ST7: variants seen among roughly 807,000 people sequenced by gnomAD.
The protein encoded by ST7 is suppression of tumorigenicity 7.
A neutral mutation model predicts 78.7 loss-of-function variants in ST7; 28 were observed. The ratio of observed to expected loss-of-function variants is 0.36; its 90% confidence interval spans 0.26 to 0.49. ST7 has a LOEUF of 0.49. ST7 is among the 20% of genes least tolerant of loss of function. The pLI, the probability that ST7 is intolerant of heterozygous loss-of-function variation, is 0.99. For missense variants in ST7, 418 were observed against 696.0 expected (o/e 0.60, Z 4.49); for synonymous variants, 247 against 249.6 (o/e 0.99, Z 0.10).
intron 9 of ST7, among the ~76,000 whole-genome samples, chr7:117,151,912 G>A (rs1806274880): frequency 6.6e-6 from 1 of 151,886 alleles, no homozygotes; most frequent in Non-Finnish European, 1.5e-5. Context: ...TTGAGGTCAG[G>A]CATTTGAGAC....
At chr7:116,953,730 C>T (rs769171042) in intron 1 of ST7, 39 bp downstream of exon 1, 1 of 1,364,082 alleles carries the variant, frequency 7.3e-7, no homozygotes, top group Non-Finnish European at 9.7e-7. Context: ...CCCACCCCTC[C>T]CCCGCCCCGG....
chr7:117,209,209 C>G (rs534426405), intron 12 of ST7, among the ~76,000 whole-genome samples: 42 of 152,214 alleles, frequency 2.8e-4, no homozygotes, highest in African/African-American at 9.9e-4. Context: ...GGGAAAGGAT[C>G]GAAGAGTGTC....
At chr7:117,014,441 C>G (rs2115951360) in intron 1 of ST7, among the ~76,000 whole-genome samples, 1 of 152,248 alleles carries the variant, frequency 6.6e-6, no homozygotes, top group East Asian at 1.9e-4. Context: ...CTTAGATATG[C>G]TATAAAGGAC....
intron 1 of ST7, among the ~76,000 whole-genome samples, chr7:117,028,975 G>C (rs767528785): frequency 6.6e-6 from 1 of 152,104 alleles, no homozygotes; most frequent in South Asian, 2.1e-4. Context: ...CACTAAAAAC[G>C]TAACTACTAA....
At chr7:116,959,299 T>C (rs573916006) in intron 1 of ST7, 44 of 470,112 alleles carry the variant, frequency 9.4e-5, no homozygotes, top group African/African-American at 8.4e-4. Flanking sequence ...CTAATTCTAG[T>C]TATTTTGCTG....
intron 2 of ST7, among the ~76,000 whole-genome samples, chr7:117,100,440 C>T (rs1308983343): frequency 6.6e-6 from 1 of 152,130 alleles, no homozygotes; most frequent in Non-Finnish European, 1.5e-5. Context: ...CGCCATTGCA[C>T]TCCAGCCTGG....
At chr7:116,985,453 A>G (rs1305052915) in intron 1 of ST7, among the ~76,000 whole-genome samples, 3 of 152,234 alleles carry the variant, frequency 2.0e-5, no homozygotes, top group Non-Finnish European at 4.4e-5. Flanking sequence ...CAAATGTACT[A>G]GTAGTGGATA....
intron 15 of ST7, among the ~76,000 whole-genome samples, chr7:117,226,677 A>G (rs1264155039): frequency 6.6e-6 from 1 of 152,184 alleles, no homozygotes; most frequent in Non-Finnish European, 1.5e-5. Flanking sequence ...CAGACACCTC[A>G]CTACATTGCC....
Position 117,189,367 on chromosome 7 carries a change from G to A in ST7, c.1125G>A (p.Leu375=). ...KSATICYTAA[L]LKARAVSDKF... ...CAACAATATGCTACACAGCTGCTTTGCTCAAAGCAAGAGCTGTCTCTGACA... is the reference window on the plus strand; with the variant it reads ...CAACAATATGCTACACAGCTGCTTTACTCAAAGCAAGAGCTGTCTCTGACA... The change falls in exon 11 of 16, where the codon TTG becomes TTA. Residue 375 remains leucine, a synonymous_variant. Transcript: ENST00000323984. The A allele has an allele frequency of 1.2e-6, 2 of 1,607,568 alleles. No homozygotes were observed. Among genetic ancestry groups the A allele is most frequent in the Non-Finnish European group, 8.5e-7 (1 of 1,176,514 alleles).
chr7:117,047,270 C>G (rs1465123007), intron 1 of ST7, among the ~76,000 whole-genome samples: 1 of 152,102 alleles, frequency 6.6e-6, no homozygotes, highest in Non-Finnish European at 1.5e-5. Flanking sequence ...AAATGTTAAA[C>G]ATTTAAGCAA....
intron 3 of ST7, 111 bp from the exon 4 acceptor site, chr7:117,129,682 T>C (rs972765817): frequency 1.3e-5 from 11 of 822,822 alleles, no homozygotes; most frequent in Non-Finnish European, 2.1e-5. Context: ...ATGTAAAGGG[T>C]AGTGAATAGA....
At position 117,125,215 on chromosome 7, in the gene ST7, C is replaced by G. The variant is rs117130811; in HGVS notation, c.395-4578C>G. Among the ~76,000 whole-genome samples, 1,224 of 152,168 alleles carry G rather than the reference C, an allele frequency of 8.0e-3. 4 individuals are homozygous for G. The highest frequency in any genetic ancestry group is 0.02 in the Middle Eastern group (6 of 294). ...TAAAATAGTTTTAGTAGCTAGTGAA[C>G]ACTTACTTAGTAAAGTTATTTCATA... On this transcript the variant is annotated intron_variant, in intron 3 of 15. Coordinates refer to ENST00000323984, the MANE Select transcript of ST7 (RefSeq NM_001369598.1).
intron 1 of ST7, among the ~76,000 whole-genome samples, chr7:116,984,308 A>T (rs1468586918): frequency 1.3e-5 from 2 of 152,204 alleles, no homozygotes; most frequent in East Asian, 1.9e-4. Context: ...TTTATAAATT[A>T]CCTAGTTTCA....
intron 1 of ST7, among the ~76,000 whole-genome samples, chr7:117,035,943 G>A (rs188622439): frequency 6.6e-6 from 1 of 152,148 alleles, no homozygotes; most frequent in Admixed American, 6.5e-5. Flanking sequence ...CAGATGATTG[G>A]GAATTCTTGA....
chr7:117,097,547 C>T (rs1387577295), intron 1 of ST7, among the ~76,000 whole-genome samples: 1 of 151,822 alleles, frequency 6.6e-6, no homozygotes, highest in South Asian at 2.1e-4. Flanking sequence ...TGGTCTCAAA[C>T]TCCTGACCTC....
At chr7:117,109,987 C>T (rs1434631351) in intron 2 of ST7, among the ~76,000 whole-genome samples, 1 of 152,098 alleles carries the variant, frequency 6.6e-6, no homozygotes, top group Non-Finnish European at 1.5e-5. Context: ...TGACAAAATC[C>T]AGCACCCCTT....
At chr7:117,020,800 C>T (rs996350362) in intron 1 of ST7, among the ~76,000 whole-genome samples, 2 of 152,162 alleles carry the variant, frequency 1.3e-5, no homozygotes, top group African/African-American at 4.8e-5. Context: ...CTGGGTTATT[C>T]ATCCTTAAGG....
chr7:117,115,415 C>T (rs1441523582), intron 2 of ST7, among the ~76,000 whole-genome samples: 3 of 150,788 alleles, frequency 2.0e-5, no homozygotes, highest in Admixed American at 2.0e-4. Context: ...AGTACAGTCC[C>T]GCGATCTCAG....
chr7:116,984,113 C>G (rs1355736274), intron 1 of ST7, among the ~76,000 whole-genome samples: 1 of 144,676 alleles, frequency 6.9e-6, no homozygotes, highest in Non-Finnish European at 1.5e-5. Flanking sequence ...TTTATGTCAG[C>G]TGTGTGTGTG....
Sources: gnomAD v4.1 joint callset for allele counts (sites outside exome capture counted in the v4.1 genomes callset) on GRCh38, gnomAD v4.1.1 for gene constraint, MANE v1.5 for transcripts, NCBI Gene and HGNC (gene_info 2026-07-23, HGNC 2026-07-21) for gene names.